Variants in FOLH1 observed in about 807,000 individuals in gnomAD.
FOLH1 encodes folate hydrolase 1.
In FOLH1, 54 loss-of-function variants were observed where a neutral mutation model predicts 93.9. The observed-to-expected ratio is 0.57, with a 90% CI of 0.46 to 0.72. The LOEUF is 0.72. FOLH1 is among the 30% of genes least tolerant of loss of function. FOLH1 has a pLI of 0.00. For synonymous variants in FOLH1, 249 were observed against 303.6 expected (o/e 0.82, Z 1.87); for missense variants, 571 against 892.5 (o/e 0.64, Z 4.59).
Position 49,154,218 on chromosome 11 carries a change from G to A in FOLH1, c.1888+10C>T. On this transcript the variant is annotated intron_variant, in intron 16 of 18. Transcript: ENST00000256999. ...CAGATGAGGAATTTGAAAAAGGAAG[G>A]GTAACATACCAAATGATACACTGTA... The A allele has an allele frequency of 1.2e-6, 2 of 1,612,334 alleles. No individual in the cohort carries two copies. The highest frequency in any genetic ancestry group is 1.7e-6 in the Non-Finnish European group (2 of 1,178,912).
Sources: gnomAD v4.1 joint callset for allele counts on GRCh38, gnomAD v4.1.1 for gene constraint, MANE v1.5 for transcripts, NCBI Gene and HGNC (gene_info 2026-07-23, HGNC 2026-07-21) for gene names.